SLC44A1: variants seen among roughly 807,000 people sequenced by gnomAD.
SLC44A1 encodes the protein choline transporter-like protein 1.
SLC44A1 carries 26 observed loss-of-function variants against 79.3 expected under a neutral mutation model. The ratio of observed to expected loss-of-function variants is 0.33; its 90% CI spans 0.24 to 0.46. SLC44A1 has a LOEUF of 0.46. Among genes scored for constraint, SLC44A1 ranks in the 20% least tolerant of loss-of-function variants. The probability of loss-of-function intolerance (pLI) is 1.00; values close to 1 mark genes in which losing one functional copy is unlikely to be tolerated. For synonymous variants in SLC44A1, 263 were observed against 286.2 expected (o/e 0.92, Z 0.82); for missense variants, 688 against 798.1 (o/e 0.86, Z 1.66).
At chr9:105,279,798 G>C (rs1433468990) in intron 1 of SLC44A1, among the ~76,000 whole-genome samples, 2 of 152,028 alleles carry the variant, frequency 1.3e-5, no homozygotes, top group Non-Finnish European at 2.9e-5. Flanking sequence ...TAAGTATAAT[G>C]ATCTGAGAGG....
At chr9:105,351,600 A>AGAGAG (rs1827429007) in intron 5 of SLC44A1, among the ~76,000 whole-genome samples, 1 of 43,186 alleles carries the variant, frequency 2.3e-5, no homozygotes, top group African/African-American at 7.5e-5. Flanking sequence ...GAGAAAGAGA[A>AGAGAG]AGAAAGAAAG....
chr9:105,353,535 T>G (rs1391874013), intron 5 of SLC44A1, among the ~76,000 whole-genome samples: 2 of 152,118 alleles, frequency 1.3e-5, no homozygotes, highest in South Asian at 2.1e-4. Flanking sequence ...CTGAAGAGAC[T>G]TACAGAGTGC....
intron 3 of SLC44A1, among the ~76,000 whole-genome samples, chr9:105,314,485 A>T (rs36019711): frequency 0.069 from 10,542 of 152,246 alleles, 894 homozygotes; most frequent in African/African-American, 0.21. Flanking sequence ...TTACTCCAAG[A>T]AGTTTTCCCA....
chr9:105,436,689 G>A (rs1035806631), intron 15 of SLC44A1, among the ~76,000 whole-genome samples: 4 of 152,162 alleles, frequency 2.6e-5, no homozygotes, highest in Admixed American at 6.5e-5. Flanking sequence ...CTAATGTGGC[G>A]AAAGCAACAA....
intron 3 of SLC44A1, among the ~76,000 whole-genome samples, chr9:105,310,512 C>T (rs1055271168): frequency 3.3e-5 from 5 of 152,116 alleles, no homozygotes; most frequent in African/African-American, 1.2e-4. Flanking sequence ...TTTGTACAGA[C>T]TATATATTTA....
intron 3 of SLC44A1, among the ~76,000 whole-genome samples, chr9:105,324,156 C>A (rs997585795): frequency 2.6e-5 from 4 of 152,024 alleles, no homozygotes; most frequent in Non-Finnish European, 5.9e-5. Flanking sequence ...CGCCCGCCAC[C>A]ACGCCCGGCT....
intron 4 of SLC44A1, among the ~76,000 whole-genome samples, chr9:105,342,028 T>C (rs1204163652): frequency 2.0e-5 from 3 of 152,192 alleles, no homozygotes; most frequent in African/African-American, 7.2e-5. Flanking sequence ...CAGCAGGGCA[T>C]GAATTCCATC....
intron 2 of SLC44A1, among the ~76,000 whole-genome samples, chr9:105,304,960 T>TG: frequency 9.9e-6 from 1 of 101,490 alleles, no homozygotes; most frequent in Non-Finnish European, 2.0e-5. Flanking sequence ...TTTTTTTTTT[T>TG]TTTTTTTTTT....
At position 105,261,493 on chromosome 9, in the gene SLC44A1, C is replaced by G. The variant is rs141193313; in HGVS notation, c.36+16589C>G. Among the ~76,000 whole-genome samples the G allele has an allele frequency of 3.9e-3, 595 of 152,106 alleles. 4 individuals carry two copies. Among genetic ancestry groups the G allele is most frequent in the African/African-American group, 0.014 (564 of 41,492 alleles). On this transcript the variant is annotated intron_variant, in intron 1 of 15. Transcript: ENST00000374720. ...AGATGACAAGCAGCACTGCTTCTGCCCATTGCAGCAATGAGGAAACTCAGG... is the reference window on the plus strand; with the variant it reads ...AGATGACAAGCAGCACTGCTTCTGCGCATTGCAGCAATGAGGAAACTCAGG...
intron 13 of SLC44A1, among the ~76,000 whole-genome samples, chr9:105,379,372 G>A (rs1939310160): frequency 6.6e-6 from 1 of 152,180 alleles, no homozygotes; most frequent in Non-Finnish European, 1.5e-5. Flanking sequence ...AAATAACAAA[G>A]TGAAGGGTTC....
At chr9:105,288,288 A>AT (rs34883337) in intron 1 of SLC44A1, among the ~76,000 whole-genome samples, 1 of 151,690 alleles carries the variant, frequency 6.6e-6, no homozygotes, top group African/African-American at 2.4e-5. Flanking sequence ...TTAATTTGTA[A>AT]TTTTTTTTCT....
chr9:105,261,564 C>G (rs117589569), intron 1 of SLC44A1, among the ~76,000 whole-genome samples: 4,877 of 152,134 alleles, frequency 0.032, 162 homozygotes, highest in Non-Finnish European at 0.046. Context: ...CCGAGAATAT[C>G]GGTAGAATAA....
At chr9:105,257,585 T>C (rs142653368) in intron 1 of SLC44A1, among the ~76,000 whole-genome samples, 1 of 152,220 alleles carries the variant, frequency 6.6e-6, no homozygotes, top group Non-Finnish European at 1.5e-5. Flanking sequence ...CAAACATAAA[T>C]AATTAGAGGC....
chr9:105,435,612 C>G (rs1310879440), intron 15 of SLC44A1, among the ~76,000 whole-genome samples: 1 of 152,106 alleles, frequency 6.6e-6, no homozygotes, highest in African/African-American at 2.4e-5. Flanking sequence ...CAGGAACTAG[C>G]TGTTTCTTTT....
At chr9:105,338,790 G>T (rs2131365242) in intron 4 of SLC44A1, among the ~76,000 whole-genome samples, 1 of 152,304 alleles carries the variant, frequency 6.6e-6, no homozygotes, top group South Asian at 2.1e-4. Flanking sequence ...ATCTATGTCT[G>T]CATGTTGTTA....
intron 3 of SLC44A1, among the ~76,000 whole-genome samples, chr9:105,320,625 G>C (rs964180053): frequency 6.6e-6 from 1 of 151,870 alleles, no homozygotes; most frequent in African/African-American, 2.4e-5. Context: ...GCACAGTTTG[G>C]AGTGCCATGG....
chr9:105,392,767 C>G lies in SLC44A1; in HGVS notation c.*3711C>G, dbSNP rs1828794714. The G allele has an allele frequency of 1.0e-6, 1 of 985,174 alleles. No individual in the cohort carries two copies. The highest frequency in any genetic ancestry group is 1.2e-6 in the Non-Finnish European group (1 of 829,846). 61.0% of individuals were successfully genotyped at this position (985,174 alleles called of 1,614,324 possible). ...AGCCTGCAAGGTAGAATTCTGGGAT[C>G]AGTTCCAAAACCAGAACTGCCAGTA... On this transcript the variant is annotated 3_prime_UTR_variant, in exon 16 of 16. Transcript: ENST00000374720.
Position 105,393,397 on chromosome 9 carries a change from C to A in SLC44A1, c.*4341C>A. On this transcript the variant is annotated 3_prime_UTR_variant, in exon 16 of 16. Coordinates refer to ENST00000374720, the MANE Select transcript of SLC44A1 (RefSeq NM_080546.5). ...ATCTAAAGCTAGCAAACTTAAAAAA[C>A]AAAACAAAAATTACACGTCGTGTAC... 1 of 985,156 alleles carries A rather than the reference C, an allele frequency of 1.0e-6. No individual in the cohort carries two copies. The highest frequency in any genetic ancestry group is 1.2e-6 in the Non-Finnish European group (1 of 829,734). The allele number at this position is 985,156 out of a possible 1,614,324, so 61.0% of individuals were successfully genotyped here.
At chr9:105,370,814 C>T (rs755595154) in intron 12 of SLC44A1, among the ~76,000 whole-genome samples, 5 of 152,104 alleles carry the variant, frequency 3.3e-5, no homozygotes, top group African/African-American at 4.8e-5. Context: ...GTGAGTTGTT[C>T]CCATTGAGGG....
Sources: allele counts gnomAD v4.1 joint callset (sites outside exome capture counted in the v4.1 genomes callset), GRCh38; gene constraint gnomAD v4.1.1; transcripts MANE v1.5; gene names NCBI Gene and HGNC (gene_info 2026-07-23, HGNC 2026-07-21).